KIAA0586: variants seen among roughly 807,000 people sequenced by gnomAD.
The protein encoded by KIAA0586 is protein TALPID3.
In KIAA0586, 144 loss-of-function variants were observed where a neutral mutation model predicts 169.8. The ratio of observed to expected loss-of-function variants is 0.85; its 90% CI spans 0.74 to 0.97. The LOEUF is 0.97. Ranked by LOEUF, KIAA0586 falls within the 50% of genes least tolerant of loss-of-function variation. The pLI is 0.00. For synonymous variants in KIAA0586, 625 were observed against 612.4 expected, an observed-to-expected ratio of 1.02 and a Z score of -0.30; for missense variants, 1,854 against 1,823.0, an observed-to-expected ratio of 1.02 and a Z score of -0.31.
At chr14:58,468,139 G>C (rs1200474014) in intron 16 of KIAA0586, among the ~76,000 whole-genome samples, 1 of 152,062 alleles carries the variant, frequency 6.6e-6, no homozygotes. Flanking sequence ...TCTGCCTCTT[G>C]GGTTCAAGTG....
intron 30 of KIAA0586, among the ~76,000 whole-genome samples, chr14:58,545,398 A>G (rs1835166969): frequency 1.3e-5 from 2 of 152,232 alleles, no homozygotes; most frequent in Non-Finnish European, 2.9e-5. Context: ...CTGTAATTTT[A>G]TGCACAAAGT....
intron 14 of KIAA0586, among the ~76,000 whole-genome samples, chr14:58,465,076 T>A (rs1423729092): frequency 1.3e-5 from 2 of 152,040 alleles, no homozygotes; most frequent in South Asian, 2.1e-4. Context: ...CTAAAAAAAA[T>A]TAATGAATAA....
At chr14:58,519,435 A>G (rs2056938388) in intron 29 of KIAA0586, among the ~76,000 whole-genome samples, 2 of 152,262 alleles carry the variant, frequency 1.3e-5, no homozygotes, top group South Asian at 4.1e-4. Flanking sequence ...TACAAGAGAG[A>G]ATGATAAGAT....
chr14:58,466,080 G>A (rs1210759855), intron 15 of KIAA0586, 51 bp downstream of exon 15: 9 of 1,345,144 alleles, frequency 6.7e-6, no homozygotes, highest in East Asian at 2.3e-5. Context: ...TTATTTATTT[G>A]TTTGTTTGTG....
chr14:58,427,743 C>A lies in KIAA0586; in HGVS notation c.-522C>A, dbSNP rs935533533. The A allele has an allele frequency of 1.6e-5, 24 of 1,533,290 alleles. No individual in the cohort carries two copies. Among genetic ancestry groups the A allele is most frequent in the East Asian group, 1.2e-4 (5 of 40,898 alleles). The allele number at this position is 1,533,290 out of a possible 1,614,324, so 95.0% of individuals were successfully genotyped here. On this transcript the variant is annotated 5_prime_UTR_variant, in exon 1 of 31. Transcript: ENST00000652326. ...CGCTGTTGTCAGATTACACCCACGACGGTGCGGGTCTCGGGCGTTCTGGAG... is the reference window on the plus strand; with the variant it reads ...CGCTGTTGTCAGATTACACCCACGAAGGTGCGGGTCTCGGGCGTTCTGGAG...
rs1054739581 is a variant in KIAA0586, at chr14:58,461,232, T to G, written c.2059+72T>G. Reference sequence around the variant, plus strand: ...CAGTTTAATATGTAAAGTTTCTTTTTGCTTTTTATTTATTGCTTATACGTG... The same window carrying G: ...CAGTTTAATATGTAAAGTTTCTTTTGGCTTTTTATTTATTGCTTATACGTG... On this transcript the variant is annotated intron_variant, in intron 14 of 30. Transcript: ENST00000652326. 14 of 1,115,128 alleles carry G rather than the reference T, an allele frequency of 1.3e-5. No homozygotes were observed. The African/African-American group carries it at 2.1e-4, about 17-fold the overall frequency. The allele number at this position is 1,115,128 out of a possible 1,614,324, so 69.1% of individuals were successfully genotyped here. A position where few individuals can be genotyped will look rare whatever the true frequency, so the allele number is the denominator to read the frequency against.
chr14:58,498,193 T>C (rs907557744), intron 26 of KIAA0586, among the ~76,000 whole-genome samples: 27 of 152,002 alleles, frequency 1.8e-4, no homozygotes, highest in Non-Finnish European at 1.8e-4. Flanking sequence ...TGTGTTTTTT[T>C]TGACACAGGG....
chr14:58,506,465 G>T (rs1215854848), intron 27 of KIAA0586, among the ~76,000 whole-genome samples: 1 of 151,554 alleles, frequency 6.6e-6, no homozygotes, highest in African/African-American at 2.4e-5. Context: ...GATCACTTGA[G>T]CACTTGAGGT....
At chr14:58,531,747 A>G (rs1158124220) in intron 29 of KIAA0586, among the ~76,000 whole-genome samples, 2 of 152,210 alleles carry the variant, frequency 1.3e-5, no homozygotes, top group African/African-American at 2.4e-5. Context: ...TATTTATTGC[A>G]GCACTATTCA....
chr14:58,485,462 G>A (rs912065267), intron 21 of KIAA0586, among the ~76,000 whole-genome samples: 11 of 152,110 alleles, frequency 7.2e-5, no homozygotes, highest in Non-Finnish European at 1.0e-4. Flanking sequence ...AAATCTTGTA[G>A]TAGGAAATCT....
intron 4 of KIAA0586, chr14:58,433,486 GTT>G (rs1595072083): frequency 6.6e-6 from 1 of 152,112 alleles, no homozygotes; most frequent in Non-Finnish European, 1.5e-5. Context: ...TCTTTAACAT[GTT>G]TCTTTCAACC....
chr14:58,472,332 G>T, intron 18 of KIAA0586, 53 bp downstream of exon 18: 1 of 1,017,642 alleles, frequency 9.8e-7, no homozygotes, highest in Non-Finnish European at 1.4e-6. Flanking sequence ...TATTTTTCCA[G>T]GTTGTTGACT....
chr14:58,478,395 A>G (rs1233086386), intron 20 of KIAA0586, among the ~76,000 whole-genome samples: 1 of 152,200 alleles, frequency 6.6e-6, no homozygotes, highest in Non-Finnish European at 1.5e-5. Flanking sequence ...AGACAGGAGA[A>G]TTGCTTGAAC....
rs768826026 is a variant in KIAA0586, at chr14:58,442,763, C to G, written c.468C>G (p.Gly156=). The G allele has an allele frequency of 8.8e-6, 14 of 1,597,310 alleles. No individual in the cohort carries two copies. The highest frequency in any genetic ancestry group is 1.2e-5 in the Non-Finnish European group (14 of 1,170,784). The change falls in exon 5 of 31, where the codon GGC becomes GGG. Residue 156 remains glycine, a synonymous_variant. Transcript: ENST00000652326. ...AGGTACATCTGTTAGAAGATGCAGGCATAGAGAAGGATGCTGTTACTCAGG... is the reference window on the plus strand; with the variant it reads ...AGGTACATCTGTTAGAAGATGCAGGGATAGAGAAGGATGCTGTTACTCAGG... ...EVKVHLLEDA[G]IEKDAVTQET... is the part of the protein sequence containing the mutation.
chr14:58,445,659 C>G (rs1366461778), intron 6 of KIAA0586, among the ~76,000 whole-genome samples: 4 of 151,738 alleles, frequency 2.6e-5, no homozygotes, highest in African/African-American at 9.7e-5. Flanking sequence ...GTCTCGAACT[C>G]TTGGCCTCAA....
rs978066873 is a variant in KIAA0586, at chr14:58,439,594, A to G, written c.411-3112A>G. Among the ~76,000 whole-genome samples, 7 of 152,210 alleles carry G rather than the reference A, an allele frequency of 4.6e-5. No individual in the cohort carries two copies. The South Asian group carries it at 1.0e-3, about 23-fold the overall frequency. ...ATTAGGAAATTAGGATGGATGTCCTATAAGTTTCTCTCAGCTCTATAATTC... is the reference window on the plus strand; with the variant it reads ...ATTAGGAAATTAGGATGGATGTCCTGTAAGTTTCTCTCAGCTCTATAATTC... On this transcript the variant is annotated intron_variant, in intron 4 of 30. Transcript: ENST00000652326.
intron 26 of KIAA0586, among the ~76,000 whole-genome samples, chr14:58,493,444 G>A (rs541188253): frequency 8.5e-5 from 13 of 152,262 alleles, no homozygotes; most frequent in African/African-American, 2.6e-4. Context: ...GCTGGGACTA[G>A]GATTCTTGAT....
intron 27 of KIAA0586, among the ~76,000 whole-genome samples, chr14:58,501,337 A>T (rs1370261119): frequency 1.3e-5 from 2 of 152,242 alleles, no homozygotes; most frequent in East Asian, 3.8e-4. Flanking sequence ...AATTTGTAGG[A>T]TTCAAATGGC....
At chr14:58,525,150 T>C (rs1400322348) in intron 29 of KIAA0586, among the ~76,000 whole-genome samples, 2 of 152,154 alleles carry the variant, frequency 1.3e-5, no homozygotes, top group Non-Finnish European at 2.9e-5. Flanking sequence ...GAGGAAATGC[T>C]AAAGATGGTA....
Sources: allele counts gnomAD v4.1 joint callset (sites outside exome capture counted in the v4.1 genomes callset), GRCh38; gene constraint gnomAD v4.1.1; transcripts MANE v1.5; gene names NCBI Gene and HGNC (gene_info 2026-07-23, HGNC 2026-07-21).